The following MYL5 variants were observed in gnomAD, a reference collection of about 807,000 sequenced individuals.
MYL5 encodes myosin regulatory light chain 5.
MYL5 carries 28 observed loss-of-function variants against 20.8 expected under a neutral mutation model. That is an observed-to-expected ratio of 1.35 (90% CI 1.00 to 1.84). The LOEUF is 1.84. Among genes scored for constraint, MYL5 ranks in the 40% most tolerant of loss-of-function variants. The pLI is 0.00. For missense variants in MYL5, 274 were observed against 227.3 expected (o/e 1.21, Z -1.32); for synonymous variants, 118 against 87.4 (o/e 1.35, Z -1.95).
exon 7 of MYL5, chr4:681,947 A>G: frequency 2.2e-6 from 3 of 1,345,282 alleles, no homozygotes; most frequent in Non-Finnish European, 2.9e-6. Flanking sequence ...CCTGGACTAC[A>G]AGGCGCTCAG....
At chr4:679,844 TG>T in intron 3 of MYL5, 69 bp from the exon 6 acceptor site, 1 of 1,354,776 alleles carries the variant, frequency 7.4e-7, no homozygotes, top group Non-Finnish European at 1.1e-6. Flanking sequence ...GGCCCTGTGC[TG>T]GGGTCACCTG....
chr4:679,254 A>C, intron 3 of MYL5: 2 of 660,810 alleles, frequency 3.0e-6, no homozygotes, highest in Non-Finnish European at 5.4e-6. Context: ...GGGACAGCCC[A>C]AGCCTGGAAA....
At chr4:680,739 G>A (rs1739385427) in intron 5 of MYL5, 152 bp downstream of exon 7, 1 of 801,018 alleles carries the variant, frequency 1.2e-6, no homozygotes, top group African/African-American at 1.7e-5. Context: ...CAGGATCCCA[G>A]CTGAGTGGGA....
intron 6 of MYL5, 32 bp downstream of exon 8, chr4:681,172 G>A (rs200832141): frequency 3.8e-5 from 60 of 1,593,140 alleles, no homozygotes; most frequent in Non-Finnish European, 4.8e-5. Flanking sequence ...CCAAGCCCAC[G>A]AGGGGAGGGC....
chr4:678,685 G>A (rs1417645910), exon 2 of MYL5: 16 of 1,610,976 alleles, frequency 9.9e-6, no homozygotes, highest in East Asian at 4.5e-5. Context: ...GAAGAAGGAA[G>A]GGGGTGCCCT....
chr4:677,823 G>A (rs1189530359), upstream of MYL5: 19 of 776,126 alleles, frequency 2.4e-5, no homozygotes, highest in South Asian at 1.3e-4. Flanking sequence ...GGGGCCTTGC[G>A]GGGTGAGGCA....
upstream of MYL5, among the ~76,000 whole-genome samples, chr4:677,485 A>C (rs530648827): frequency 1.3e-5 from 2 of 152,338 alleles, no homozygotes; most frequent in Admixed American, 1.3e-4. Flanking sequence ...GCTCCCAGCC[A>C]TGAGGTCAGA....
upstream of MYL5, chr4:677,003 G>C (rs1421510341): frequency 2.3e-6 from 2 of 876,090 alleles, no homozygotes; most frequent in African/African-American, 1.8e-5. Context: ...AGACATGCAA[G>C]TGGCACCTGT....
chr4:676,768 G>C (rs1182839551), upstream of MYL5: 1 of 456,996 alleles, frequency 2.2e-6, no homozygotes, highest in Non-Finnish European at 2.9e-6. Flanking sequence ...CTGGCAGCAG[G>C]GGATGCCCTG....
At chr4:680,945 G>C in intron 5 of MYL5, 147 bp from the exon 8 acceptor site, 1 of 896,236 alleles carries the variant, frequency 1.1e-6, no homozygotes, top group Non-Finnish European at 1.7e-6. Flanking sequence ...GTGTTGGGAA[G>C]GGACCTGCCC....
At chr4:678,400 C>G in intron 1 of MYL5, 1 of 1,418,808 alleles carries the variant, frequency 7.0e-7, no homozygotes, top group East Asian at 2.6e-5. Flanking sequence ...CGATCCCTGA[C>G]CACTGTGCTC....
chr4:680,201 C>A (rs1739312523), intron 4 of MYL5, among the ~76,000 whole-genome samples, 183 bp downstream of exon 6: 1 of 151,714 alleles, frequency 6.6e-6, no homozygotes, highest in South Asian at 2.1e-4. Flanking sequence ...GGCCCGCCCT[C>A]CTGCCCCACG....
upstream of MYL5, among the ~76,000 whole-genome samples, chr4:676,641 C>T (rs748490179): frequency 6.6e-6 from 1 of 152,222 alleles, no homozygotes; most frequent in Non-Finnish European, 1.5e-5. Context: ...TGCAGCCCTT[C>T]TCACATTCCC....
At chr4:680,231 G>C (rs1254617094) in intron 4 of MYL5, among the ~76,000 whole-genome samples, 1 of 152,078 alleles carries the variant, frequency 6.6e-6, no homozygotes, top group African/African-American at 2.4e-5. Context: ...ACCCGCCGTC[G>C]ACACCTCTGT....
chr4:679,849 T>G, intron 3 of MYL5, 65 bp from the exon 6 acceptor site: 3 of 1,401,204 alleles, frequency 2.1e-6, no homozygotes, highest in Non-Finnish European at 3.0e-6. Flanking sequence ...TGTGCTGGGG[T>G]CACCTGCTGG....
chr4:678,581 GTC>G, intron 1 of MYL5, 75 bp from the exon 4 acceptor site: 1 of 1,535,662 alleles, frequency 6.5e-7, no homozygotes, highest in South Asian at 1.2e-5. Context: ...TCTGAGTTAA[GTC>G]TCTCAAAACT....
upstream of MYL5, chr4:674,806 C>G (rs1056129338): frequency 1.9e-5 from 3 of 156,138 alleles, no homozygotes; most frequent in African/African-American, 7.2e-5. Flanking sequence ...CCGGGCAGGT[C>G]CTTCTCCTAC....
At chr4:678,958 G>C in exon 3 of MYL5, 1 of 1,613,780 alleles carries the variant, frequency 6.2e-7, no homozygotes, top group Non-Finnish European at 8.5e-7. Flanking sequence ...TGGTCCCCAG[G>C]CATTCACACT....
In MYL5 at chr4:679,038, G is replaced by C; in HGVS notation, c.187+5G>C. 1 of 1,612,642 alleles carries C rather than the reference G, an allele frequency of 6.2e-7. No homozygotes were observed. Among genetic ancestry groups the C allele is most frequent in the Non-Finnish European group, 8.5e-7 (1 of 1,179,056 alleles). On this transcript the variant is annotated splice_donor_5th_base_variant and intron_variant, in intron 3 of 6. Coordinates refer to ENST00000400159, the Ensembl canonical transcript of MYL5. ...AGGACACCTATGCCTCCCTGGGTAG[G>C]TACCCAGGCAGAACGCCTCAGAGCC...
Sources: allele counts gnomAD v4.1 joint callset (sites outside exome capture counted in the v4.1 genomes callset), GRCh38; gene constraint gnomAD v4.1.1; transcripts MANE v1.5; gene names NCBI Gene and HGNC (gene_info 2026-07-23, HGNC 2026-07-21).